Variants in SCLT1 observed in about 807,000 individuals in gnomAD.
SCLT1 encodes sodium channel-associated protein 1.
In SCLT1, 78 loss-of-function variants were observed where a neutral mutation model predicts 112.8. That is an observed-to-expected ratio of 0.69 (90% CI 0.58 to 0.83). The LOEUF is 0.83. Among genes scored for constraint, SCLT1 ranks in the 40% least tolerant of loss-of-function variants. The pLI, the probability that SCLT1 is intolerant of heterozygous loss-of-function variation, is 0.00. For missense variants in SCLT1, 747 were observed against 770.4 expected, an observed-to-expected ratio of 0.97 and a Z score of 0.36; for synonymous variants, 257 against 254.7, an observed-to-expected ratio of 1.01 and a Z score of -0.09.
intron 18 of SCLT1, among the ~76,000 whole-genome samples, chr4:128,897,741 A>G (rs1733900428): frequency 6.6e-6 from 1 of 152,220 alleles, no homozygotes; most frequent in Admixed American, 6.5e-5. Context: ...TTGGATAAAG[A>G]GTCAAGACAC....
chr4:128,920,368 T>A (rs1190404785), intron 18 of SCLT1, among the ~76,000 whole-genome samples: 2 of 152,206 alleles, frequency 1.3e-5, no homozygotes, highest in Non-Finnish European at 2.9e-5. Context: ...ATCGGCTAAG[T>A]GAAACCTTGG....
At chr4:129,057,679 T>G (rs2125724776) in intron 2 of SCLT1, among the ~76,000 whole-genome samples, 1 of 152,032 alleles carries the variant, frequency 6.6e-6, no homozygotes, top group South Asian at 2.1e-4. Context: ...TATCCATTAT[T>G]GCTAGGTTTT....
At chr4:128,980,055 C>T (rs1404470953) in intron 9 of SCLT1, among the ~76,000 whole-genome samples, 5 of 152,170 alleles carry the variant, frequency 3.3e-5, no homozygotes, top group Admixed American at 3.3e-4. Flanking sequence ...AGCCCTATTT[C>T]TTATCTTAAA....
intron 4 of SCLT1, among the ~76,000 whole-genome samples, chr4:129,042,489 G>A (rs1433888923): frequency 1.3e-5 from 2 of 152,098 alleles, no homozygotes; most frequent in Admixed American, 1.3e-4. Context: ...ATGAGGTAAG[G>A]AGGAAGGTCT....
At position 129,026,904 on chromosome 4, in the gene SCLT1, C is replaced by A. The variant is rs549643003; in HGVS notation, c.290+12137G>T. Among the ~76,000 whole-genome samples the A allele has an allele frequency of 5.0e-3, 762 of 152,260 alleles. 6 individuals carry two copies. Among genetic ancestry groups the A allele is most frequent in the African/African-American group, 0.017 (716 of 41,554 alleles). On this transcript the variant is annotated intron_variant, in intron 5 of 20. Coordinates refer to ENST00000281142, the MANE Select transcript of SCLT1 (RefSeq NM_144643.4). ...ATCTCACAGAAATACAAACTACCAT[C>A]AGAGAATACTACAAACACCTCTATG...
chr4:128,900,273 A>C (rs2125933835), intron 18 of SCLT1, among the ~76,000 whole-genome samples: 1 of 152,352 alleles, frequency 6.6e-6, no homozygotes, highest in African/African-American at 2.4e-5. Context: ...TTGACTTCAA[A>C]CTATACTACA....
At chr4:128,875,140 A>G (rs1732477325) in intron 4 of SCLT1, 1 of 152,520 alleles carries the variant, frequency 6.6e-6, no homozygotes, top group South Asian at 2.1e-4. Context: ...CTAGTTGAGG[A>G]CAGCTGTATT....
chr4:129,052,921 C>T (rs955367067), intron 2 of SCLT1, among the ~76,000 whole-genome samples: 16 of 152,178 alleles, frequency 1.1e-4, no homozygotes, highest in Admixed American at 9.8e-4. Flanking sequence ...GATTCTGGTA[C>T]GTTGTGTCTT....
chr4:129,076,615 C>T (rs891430005), intron 2 of SCLT1, among the ~76,000 whole-genome samples: 1 of 151,760 alleles, frequency 6.6e-6, no homozygotes, highest in African/African-American at 2.4e-5. Context: ...TCAGTAGATA[C>T]ATATACCGGT....
chr4:128,910,198 G>GT (rs1213304640), intron 18 of SCLT1, among the ~76,000 whole-genome samples: 1 of 152,170 alleles, frequency 6.6e-6, no homozygotes. Flanking sequence ...CTTATAAAAA[G>GT]TATTTGCCAG....
At chr4:128,962,553 C>T (rs993294256) in intron 11 of SCLT1, among the ~76,000 whole-genome samples, 2 of 152,110 alleles carry the variant, frequency 1.3e-5, no homozygotes, top group Non-Finnish European at 2.9e-5. Flanking sequence ...ATCCTCCCAC[C>T]TTTTTTCTCT....
downstream of SCLT1, chr4:128,883,896 C>A (rs952428367): frequency 6.6e-6 from 1 of 152,310 alleles, no homozygotes; most frequent in African/African-American, 2.4e-5. Flanking sequence ...GTAAAAGACA[C>A]CTTCCAAATT....
Position 128,943,106 on chromosome 4 carries a change from G to T in SCLT1, c.1522C>A (p.Leu508Ile). The change falls in exon 17 of 21, where the codon CTT becomes ATT. Residue 508 changes from leucine to isoleucine, a missense_variant. Leu to Ile is a conservative substitution (Grantham distance 5, BLOSUM62 2). Around this residue, in one of 2 missense-constraint regions of SCLT1, gnomAD observed 723 missense variants for 721.3 expected, o/e 1.00. Coordinates refer to ENST00000281142, the MANE Select transcript of SCLT1 (RefSeq NM_144643.4). ...VLESERENCG[L>I]VSEQRLKLQQ... ...AGTTTTAGCCTTTGTTCACTGACAA[G>T]CCCACAGTTCTCTCTCTCAGACTCC... 6.2e-7 allele frequency: 1 copy of T among 1,612,140 alleles called. No individual in the cohort carries two copies. The highest frequency in any genetic ancestry group is 1.3e-5 in the African/African-American group (1 of 74,920).
intron 11 of SCLT1, among the ~76,000 whole-genome samples, chr4:128,964,829 C>A (rs1740037213): frequency 1.3e-5 from 2 of 152,124 alleles, no homozygotes; most frequent in African/African-American, 2.4e-5. Context: ...TCACACCAAA[C>A]TCTGCAGGAT....
chr4:129,056,676 G>A (rs1258916124), intron 2 of SCLT1, among the ~76,000 whole-genome samples: 1 of 152,078 alleles, frequency 6.6e-6, no homozygotes, highest in Admixed American at 6.6e-5. Flanking sequence ...ACTTTTGCAT[G>A]TTGATTTTGT....
intron 4 of SCLT1, among the ~76,000 whole-genome samples, chr4:128,875,583 C>G (rs932609839): frequency 6.6e-6 from 1 of 152,284 alleles, no homozygotes; most frequent in East Asian, 1.9e-4. Flanking sequence ...GTCACTTAAC[C>G]GTTTTAAGCC....
At chr4:129,056,481 T>G (rs936708851) in intron 2 of SCLT1, among the ~76,000 whole-genome samples, 7 of 152,214 alleles carry the variant, frequency 4.6e-5, no homozygotes, top group African/African-American at 1.7e-4. Context: ...GAACATGGTA[T>G]GTATTTCTAT....
chr4:128,959,600 C>G lies in SCLT1; in HGVS notation c.1047G>C (p.Gln349His), dbSNP rs1319252239. ...TAAACATATTTACTAGCTTTCTTAC[C>G]TGACTTTTTTGAAGGTTAGCTTCTT... ...LLEEANLQKS[Q>H]ALLEEKQKEE... Residue 349 changes from glutamine (Q) to histidine (H), a missense_variant and splice_region_variant, in exon 12 of 21, where the codon CAG becomes CAC. Physicochemically the swap from Gln to His is conservative, Grantham distance 24. This residue lies in a region of SCLT1 where 723 missense variants were observed against 721.3 expected (regional missense o/e 1.00). Coordinates refer to ENST00000281142, the MANE Select transcript of SCLT1 (RefSeq NM_144643.4). The G allele has an allele frequency of 1.2e-6, 2 of 1,611,080 alleles. No individual in the cohort carries two copies. The highest frequency in any genetic ancestry group is 8.5e-7 in the Non-Finnish European group (1 of 1,178,144).
intron 4 of SCLT1, chr4:129,039,958 A>C (rs1747553256): frequency 3.8e-6 from 2 of 523,754 alleles, no homozygotes; most frequent in African/African-American, 3.8e-5. Flanking sequence ...ATGTAAAAGC[A>C]TGCAAAATCT....
Sources: gnomAD v4.1 joint callset for allele counts (sites outside exome capture counted in the v4.1 genomes callset) on GRCh38, gnomAD v4.1.1 for gene constraint, gnomAD v4.1.1 regional missense constraint, MANE v1.5 for transcripts, NCBI Gene and HGNC (gene_info 2026-07-23, HGNC 2026-07-21) for gene names.